PDK1: variants seen among roughly 807,000 people sequenced by gnomAD.
PDK1 encodes [Pyruvate dehydrogenase (acetyl-transferring)] kinase isozyme 1, mitochondrial.
PDK1 carries 39 observed loss-of-function variants against 54.2 expected under a neutral mutation model. The observed-to-expected ratio is 0.72, with a 90% CI of 0.56 to 0.94. PDK1 has a LOEUF of 0.94. PDK1 is among the 40% of genes least tolerant of loss of function. PDK1 has a pLI of 0.00. For missense variants in PDK1, 552 were observed against 566.0 expected (o/e 0.98, Z 0.25); for synonymous variants, 221 against 207.1 (o/e 1.07, Z -0.58).
chr2:172,575,252 G>A (rs1301120975), intron 8 of PDK1, among the ~76,000 whole-genome samples: 1 of 152,114 alleles, frequency 6.6e-6, no homozygotes, highest in African/African-American at 2.4e-5. Context: ...TTTTTACGTT[G>A]ATGTTCATAA....
At chr2:172,704,007 C>T in the PDK1 span, among the ~76,000 whole-genome samples, 2 of 151,968 alleles carry the variant, frequency 1.3e-5, no homozygotes, top group Admixed American at 6.6e-5. Flanking sequence ...CTCCTGACCT[C>T]AAGTGATCCA....
chr2:172,702,548 C>G, the PDK1 span, among the ~76,000 whole-genome samples: 1 of 149,150 alleles, frequency 6.7e-6, no homozygotes, highest in African/African-American at 2.5e-5. Flanking sequence ...ACAATTGTCT[C>G]GCTTACCCCA....
chr2:172,700,231 C>G, the PDK1 span, among the ~76,000 whole-genome samples: 1 of 152,048 alleles, frequency 6.6e-6, no homozygotes, highest in Non-Finnish European at 1.5e-5. Flanking sequence ...TCGACAAAAC[C>G]GCCATCGTCA....
the PDK1 span, among the ~76,000 whole-genome samples, chr2:172,660,981 A>G: frequency 6.6e-6 from 1 of 152,138 alleles, no homozygotes. Context: ...AAGTTTGATA[A>G]TGGTATACAA....
chr2:172,640,295 G>T, the PDK1 span, among the ~76,000 whole-genome samples: 1 of 152,184 alleles, frequency 6.6e-6, no homozygotes, highest in Non-Finnish European at 1.5e-5. Context: ...CACTGGAGAA[G>T]ATGTCTTATA....
intron 10 of PDK1, among the ~76,000 whole-genome samples, chr2:172,594,096 G>A (rs2149298464): frequency 6.7e-6 from 1 of 148,596 alleles, no homozygotes; most frequent in East Asian, 2.0e-4. Context: ...GGAGTGCAAT[G>A]GCATGATCTC....
the PDK1 span, among the ~76,000 whole-genome samples, chr2:172,664,219 G>A: frequency 0.051 from 7,011 of 137,230 alleles, 273 homozygotes; most frequent in East Asian, 0.2. Flanking sequence ...GCTGAGGTGG[G>A]AGAATTGCTT....
the PDK1 span, among the ~76,000 whole-genome samples, chr2:172,692,898 C>T: frequency 7.9e-5 from 12 of 152,350 alleles, no homozygotes; most frequent in African/African-American, 2.4e-4. Context: ...ACCAACTCAC[C>T]ATTTTATTAC....
chr2:172,697,634 T>C, the PDK1 span, among the ~76,000 whole-genome samples: 1 of 152,226 alleles, frequency 6.6e-6, no homozygotes, highest in Admixed American at 6.5e-5. Context: ...AATAATTACA[T>C]GTGGTTCTCC....
chr2:172,720,913 C>T, the PDK1 span, among the ~76,000 whole-genome samples: 2 of 152,152 alleles, frequency 1.3e-5, no homozygotes, highest in African/African-American at 4.8e-5. Context: ...CCAAGGAAGA[C>T]TCCCTCTGGT....
the PDK1 span, among the ~76,000 whole-genome samples, chr2:172,685,634 C>A: frequency 6.6e-6 from 1 of 152,158 alleles, no homozygotes; most frequent in African/African-American, 2.4e-5. Context: ...TTTAGCATTG[C>A]ATACTATAAT....
At chr2:172,608,978 T>A (rs2149328188), downstream of PDK1, among the ~76,000 whole-genome samples, 1 of 152,318 alleles carries the variant, frequency 6.6e-6, no homozygotes, top group African/African-American at 2.4e-5. Context: ...TAATGGAAAA[T>A]CATTATAAAG....
chr2:172,641,326 C>A, the PDK1 span, among the ~76,000 whole-genome samples: 1 of 151,908 alleles, frequency 6.6e-6, no homozygotes, highest in Non-Finnish European at 1.5e-5. Flanking sequence ...GAGACGGGGT[C>A]TTTCTATGTT....
chr2:172,596,191 T>G lies in PDK1; in HGVS notation c.*222T>G. On this transcript the variant is annotated 3_prime_UTR_variant, in exon 11 of 11. Transcript: ENST00000282077. ...ATTTTCACAGTTAATTGAACATATT[T>G]TTAAACAACTGTAGTTTTGGGCAAC... 1 of 372,384 alleles carries G rather than the reference T, an allele frequency of 2.7e-6. No individual in the cohort carries two copies. The highest frequency in any genetic ancestry group is 8.0e-5 in the South Asian group (1 of 12,550). The allele number at this position is 372,384 out of a possible 1,614,324, so 23.1% of individuals were successfully genotyped here.
chr2:172,560,314 C>A (rs533481237), intron 2 of PDK1, among the ~76,000 whole-genome samples: 1 of 152,166 alleles, frequency 6.6e-6, no homozygotes, highest in African/African-American at 2.4e-5. Context: ...CACAGCCATG[C>A]GCCACCATAC....
chr2:172,558,943 TTTTTGTTTTG>T, intron 2 of PDK1, 94 bp downstream of exon 2: 2 of 1,296,248 alleles, frequency 1.5e-6, no homozygotes, highest in South Asian at 1.3e-5. Context: ...GGTGGAATCT[TTTTTGTTTTG>T]TTTTGTTTTG....
At chr2:172,593,668 C>T (rs1690730680) in intron 10 of PDK1, among the ~76,000 whole-genome samples, 1 of 152,064 alleles carries the variant, frequency 6.6e-6, no homozygotes, top group Non-Finnish European at 1.5e-5. Context: ...CAGAATTGTA[C>T]AAACAGATTT....
the PDK1 span, among the ~76,000 whole-genome samples, chr2:172,659,549 A>T: frequency 6.6e-6 from 1 of 152,180 alleles, no homozygotes; most frequent in African/African-American, 2.4e-5. Context: ...CCCACAACCG[A>T]AAAAATCTCT....
At position 172,601,087 on chromosome 2, in the gene PDK1, C is replaced by T. The variant is rs1691100913; in HGVS notation, c.*5118C>T. ...CCGGGGACTCGCTTTACCCTGTCTA[C>T]CTAAATTCTTTCTGCCTTCTATAAC... On this transcript the variant is annotated 3_prime_UTR_variant, in exon 11 of 11. Coordinates refer to ENST00000282077, the MANE Select transcript of PDK1 (RefSeq NM_002610.5). The T allele has an allele frequency of 6.6e-6, 1 of 152,158 alleles. No individual in the cohort carries two copies. Among genetic ancestry groups the T allele is most frequent in the Admixed American group, 6.5e-5 (1 of 15,274 alleles). The allele number at this position is 152,158 out of a possible 1,614,324, so 9.4% of individuals were successfully genotyped here.
Sources: gnomAD v4.1 joint callset for allele counts (sites outside exome capture counted in the v4.1 genomes callset) on GRCh38, gnomAD v4.1.1 for gene constraint, MANE v1.5 for transcripts, NCBI Gene and HGNC (gene_info 2026-07-23, HGNC 2026-07-21) for gene names.